The following ACTR3C variants were observed in gnomAD, a reference collection of about 807,000 sequenced individuals.
ACTR3C encodes actin-related protein 3C.
In ACTR3C, 18 loss-of-function variants were observed where a neutral mutation model predicts 26.3. The observed-to-expected ratio is 0.68, with a 90% CI of 0.47 to 1.01. The LOEUF is 1.01. ACTR3C is among the 50% of genes least tolerant of loss of function. The pLI is 0.00. For synonymous variants in ACTR3C, 55 were observed against 94.5 expected (o/e 0.58, Z 2.42); for missense variants, 184 against 250.7 (o/e 0.73, Z 1.80).
the ACTR3C span, among the ~76,000 whole-genome samples, chr7:150,035,343 A>G: frequency 1.2e-4 from 6 of 51,012 alleles, 1 homozygote; most frequent in Middle Eastern, 0.011. Context: ...AAGAGGGGAT[A>G]GCTCTCAGTC....
At chr7:150,107,359 A>G in the ACTR3C span, among the ~76,000 whole-genome samples, 1 of 151,850 alleles carries the variant, frequency 6.6e-6, no homozygotes, top group East Asian at 1.9e-4. Context: ...ACACAGGGGG[A>G]CAGCCTAAAG....
the ACTR3C span, among the ~76,000 whole-genome samples, chr7:149,948,788 G>C: frequency 2.6e-5 from 4 of 151,864 alleles, no homozygotes; most frequent in Non-Finnish European, 2.9e-5. Context: ...GTAGCCATAG[G>C]ACCTCAGCTA....
intron 6 of ACTR3C, among the ~76,000 whole-genome samples, chr7:150,280,180 C>T (rs1835204033): frequency 1.3e-5 from 2 of 152,112 alleles, no homozygotes; most frequent in Admixed American, 6.5e-5. Context: ...CCACCCAGCC[C>T]AAGCCCAATT....
chr7:150,287,269 T>C (rs898978316), intron 4 of ACTR3C, among the ~76,000 whole-genome samples: 2 of 151,806 alleles, frequency 1.3e-5, no homozygotes, highest in Admixed American at 6.5e-5. Context: ...TAAGCAACCA[T>C]AATAAGTAAA....
chr7:150,039,802 A>T, the ACTR3C span, among the ~76,000 whole-genome samples: 3 of 124,212 alleles, frequency 2.4e-5, no homozygotes, highest in Middle Eastern at 5.5e-3. Context: ...ACTGGCTCTC[A>T]GTCCCTGCCT....
intron 3 of ACTR3C, among the ~76,000 whole-genome samples, chr7:150,290,656 C>T (rs1464849734): frequency 6.6e-6 from 1 of 152,190 alleles, no homozygotes; most frequent in Non-Finnish European, 1.5e-5. Flanking sequence ...CTGAATTCCT[C>T]CTATGGTTTC....
At chr7:150,278,422 G>A (rs1158930258) in intron 6 of ACTR3C, among the ~76,000 whole-genome samples, 1 of 152,240 alleles carries the variant, frequency 6.6e-6, no homozygotes, top group Non-Finnish European at 1.5e-5. Context: ...TCACCACTGA[G>A]CACCATTGGA....
the ACTR3C span, among the ~76,000 whole-genome samples, chr7:150,134,189 T>C: frequency 7.4e-6 from 1 of 135,060 alleles, no homozygotes; most frequent in South Asian, 2.3e-4. Flanking sequence ...ACATATACTA[T>C]AAAAATTAAA....
At chr7:150,241,334 A>G (rs554977275), downstream of ACTR3C, among the ~76,000 whole-genome samples, 1 of 152,270 alleles carries the variant, frequency 6.6e-6, no homozygotes, top group South Asian at 2.1e-4. Flanking sequence ...TGACTCACAC[A>G]TATATCATCA....
At chr7:149,945,904 G>A in the ACTR3C span, among the ~76,000 whole-genome samples, 5 of 152,186 alleles carry the variant, frequency 3.3e-5, no homozygotes, top group East Asian at 1.9e-4. Context: ...ACAAGATCAC[G>A]GAGTCCCGGC....
the ACTR3C span, among the ~76,000 whole-genome samples, chr7:150,157,210 A>G: frequency 6.6e-6 from 1 of 151,790 alleles, no homozygotes; most frequent in Non-Finnish European, 1.5e-5. Flanking sequence ...CTGAAGACTC[A>G]TCAGGATCCA....
the ACTR3C span, among the ~76,000 whole-genome samples, chr7:149,930,708 A>G: frequency 1.3e-5 from 2 of 152,284 alleles, no homozygotes; most frequent in South Asian, 4.1e-4. Context: ...TTGTTTTCAT[A>G]TTGTAGACAG....
chr7:150,233,889 T>A, the ACTR3C span, among the ~76,000 whole-genome samples: 2 of 152,334 alleles, frequency 1.3e-5, no homozygotes, highest in East Asian at 3.9e-4. Flanking sequence ...CCTTAAAATT[T>A]TCCATTAAAA....
the ACTR3C span, among the ~76,000 whole-genome samples, chr7:150,033,999 G>A: frequency 1.4e-5 from 2 of 146,548 alleles, no homozygotes; most frequent in African/African-American, 5.1e-5. Context: ...CGGGGGGATT[G>A]CCTGCCCCCC....
chr7:150,037,689 A>T, the ACTR3C span, among the ~76,000 whole-genome samples: 1 of 105,356 alleles, frequency 9.5e-6, no homozygotes, highest in African/African-American at 4.1e-5. Flanking sequence ...GGTCCTAAGG[A>T]TCTTAGGATC....
the ACTR3C span, among the ~76,000 whole-genome samples, chr7:150,033,920 G>C: frequency 6.6e-6 from 1 of 151,180 alleles, no homozygotes; most frequent in Non-Finnish European, 1.5e-5. Flanking sequence ...GTCGCGAGGG[G>C]TGCCTCCCCC....
At chr7:150,194,506 T>G in the ACTR3C span, among the ~76,000 whole-genome samples, 7 of 150,802 alleles carry the variant, frequency 4.6e-5, no homozygotes, top group South Asian at 1.5e-3. Context: ...TTTTCTTTTT[T>G]AATCCAATCT....
At chr7:149,891,901 T>TA in the ACTR3C span, among the ~76,000 whole-genome samples, 14 of 63,354 alleles carry the variant, frequency 2.2e-4, no homozygotes, top group African/African-American at 4.7e-4. Context: ...TCTGGAGCTT[T>TA]AAAAAAAAAA....
intron 6 of ACTR3C, among the ~76,000 whole-genome samples, chr7:150,284,455 A>G (rs1250340689): frequency 1.3e-5 from 2 of 152,178 alleles, no homozygotes; most frequent in African/African-American, 4.8e-5. Context: ...CTGAGGCAGG[A>G]GAATTGCTTG....
Sources: gnomAD v4.1 joint callset for allele counts (sites outside exome capture counted in the v4.1 genomes callset) on GRCh38, gnomAD v4.1.1 for gene constraint, MANE v1.5 for transcripts, NCBI Gene and HGNC (gene_info 2026-07-23, HGNC 2026-07-21) for gene names.